The following ZNF404 variants were observed in gnomAD, a reference collection of about 807,000 sequenced individuals.
ZNF404 encodes zinc finger protein 404.
In ZNF404, 7 loss-of-function variants were observed where a neutral mutation model predicts 7.3. The observed-to-expected ratio is 0.95, with a 90% CI of 0.54 to 1.79. The LOEUF is 1.79. Ranked by LOEUF, ZNF404 falls within the 40% of genes most tolerant of loss-of-function variation. ZNF404 has a pLI of 0.00. For missense variants in ZNF404, 560 were observed against 661.5 expected (o/e 0.85, Z 1.68); for synonymous variants, 191 against 209.9 (o/e 0.91, Z 0.78).
chr19:43,880,441 C>T (rs1033075462), intron 1 of ZNF404, among the ~76,000 whole-genome samples: 2 of 152,084 alleles, frequency 1.3e-5, no homozygotes, highest in African/African-American at 4.8e-5. Flanking sequence ...ATACCTTCTA[C>T]GTACCTAAGC....
intron 1 of ZNF404, among the ~76,000 whole-genome samples, chr19:43,882,791 TAA>T (rs529329255): frequency 3.8e-4 from 46 of 120,666 alleles, no homozygotes; most frequent in Non-Finnish European, 3.6e-4. Context: ...ACCCCATCTC[TAA>T]AAAAAAAAAA....
chr19:43,877,134 A>G (rs10421518), intron 2 of ZNF404, among the ~76,000 whole-genome samples: 84,555 of 152,048 alleles, frequency 0.56, 24,063 homozygotes, highest in East Asian at 0.82. Flanking sequence ...ATGTACCATG[A>G]TTATGTAAGA....
Position 43,872,959 on chromosome 19 carries a change from C to T in ZNF404, c.1255G>A (p.Ala419Thr). ...TTAAGGTCTCCAACACGACTGAAGG[C>T]TTTCCCACATTGCTTACATTCATAT... is the stretch of plus-strand genomic sequence containing the variant. ...KPYECKQCGK[A>T]FSRVGDLKTH... The change falls in exon 3 of 3, where the codon GCC (alanine) becomes ACC (threonine). Residue 419 changes from alanine (A) to threonine (T), a missense_variant. Ala to Thr is a moderately conservative substitution (Grantham distance 58, BLOSUM62 0). Coordinates refer to ENST00000587539, the MANE Select transcript of ZNF404 (RefSeq NM_001033719.3). This position sits in a 1 kb window ranked among gnomAD's most constrained non-coding sequence, Gnocchi z 4.4. The T allele has an allele frequency of 1.9e-6, 3 of 1,606,176 alleles. No homozygotes were observed. The highest frequency in any genetic ancestry group is 2.6e-6 in the Non-Finnish European group (3 of 1,175,548).
In ZNF404 at chr19:43,880,151, C is replaced by T. The variant is rs1452935539; in HGVS notation, c.10-15G>A. 1.3e-6 allele frequency: 2 copies of T among 1,594,790 alleles called. No individual in the cohort carries two copies. Among genetic ancestry groups the T allele is most frequent in the Admixed American group, 1.8e-5 (1 of 55,716 alleles). On this transcript the variant is annotated splice_polypyrimidine_tract_variant and intron_variant, in intron 1 of 2. Coordinates refer to ENST00000587539, the MANE Select transcript of ZNF404 (RefSeq NM_001033719.3). ...GTCAATGGCACCTGAAATGACAAAC[C>T]TGTGTATTATTTGTAAAAGTAAAGA...
intron 2 of ZNF404, among the ~76,000 whole-genome samples, chr19:43,875,994 G>T (rs1003832202): frequency 2.6e-5 from 4 of 152,016 alleles, no homozygotes; most frequent in Admixed American, 2.0e-4. Context: ...AAAAATAAAA[G>T]AATTAAAATG....
At chr19:43,883,841 T>G in intron 1 of ZNF404, 115 bp downstream of exon 1, 2 of 1,101,226 alleles carry the variant, frequency 1.8e-6, no homozygotes, top group Non-Finnish European at 2.6e-6. Flanking sequence ...GAATGTGAAA[T>G]AGGTTCCAAG....
chr19:43,873,178 T>C lies in ZNF404; in HGVS notation c.1036A>G (p.Lys346Glu), dbSNP rs748156437. Residue 346 changes from lysine to glutamate, a missense_variant, in exon 3 of 3, where the codon AAG (lysine) becomes GAG (glutamate). Transcript: ENST00000587539. ...FGKGSSLLKH[K>E]RIHSSEKLYD... Reference sequence around the variant, plus strand: ...AGTTTCTCACTACTATGAATTCTCTTATGTTTAAGAAGGCTTGAGCCCTTA... The same window carrying C: ...AGTTTCTCACTACTATGAATTCTCTCATGTTTAAGAAGGCTTGAGCCCTTA... 8 of 1,612,606 alleles carry C rather than the reference T, an allele frequency of 5.0e-6. No homozygotes were observed. The highest frequency in any genetic ancestry group is 6.8e-6 in the Non-Finnish European group (8 of 1,178,790).
rs1971889142 is a variant in ZNF404, at chr19:43,880,808, T to A, written c.10-672A>T. 2.0e-5 allele frequency among the ~76,000 whole-genome samples: 3 copies of A among 151,784 alleles called. No homozygotes were observed. In the South Asian group the frequency reaches 6.3e-4, roughly 32 times the overall value. ...TGGATTCCACTGAGAACAAGAAAAG[T>A]ACAAACCAATATCCATCATGGACAC... On this transcript the variant is annotated intron_variant, in intron 1 of 2. Coordinates refer to ENST00000587539, the MANE Select transcript of ZNF404 (RefSeq NM_001033719.3).
chr19:43,873,711 A>C lies in ZNF404; in HGVS notation c.503T>G (p.Phe168Cys), dbSNP rs766304830. The change falls in exon 3 of 3, where the codon TTT becomes TGT. Residue 168 changes from phenylalanine (F) to cysteine (C), a missense_variant. Transcript: ENST00000587539. ...PYECNECGKA[F>C]VVFQHFIRHR... ...TCTAATAAAATGCTGGAAAACTACA[A>C]ATGCTTTTCCACATTCATTACATTC... 4 of 1,612,764 alleles carry C rather than the reference A, an allele frequency of 2.5e-6. No individual in the cohort carries two copies. Among genetic ancestry groups the C allele is most frequent in the Non-Finnish European group, 3.4e-6 (4 of 1,179,608 alleles).
At position 43,873,005 on chromosome 19, in the gene ZNF404, T is replaced by C. The variant is rs974331999; in HGVS notation, c.1209A>G (p.Ile403Met). Residue 403 changes from isoleucine to methionine, a missense_variant, in exon 3 of 3, where the codon ATA (isoleucine) becomes ATG (methionine). Transcript: ENST00000587539. The part of the protein sequence containing the change: ...KLHSYLIQHQ[I>M]IHTDLKPYEC... The stretch of plus-strand genomic sequence containing the variant: ...CATATGGCTTCAAATCAGTATGAAT[T>C]ATCTGATGTTGAATAAGATATGAAT... The C allele has an allele frequency of 8.7e-6, 14 of 1,602,800 alleles. 1 individual carries two copies. Among genetic ancestry groups the C allele is most frequent in the Non-Finnish European group, 1.0e-5 (12 of 1,173,612 alleles).
intron 1 of ZNF404, among the ~76,000 whole-genome samples, chr19:43,882,518 G>A (rs1599748167): frequency 6.6e-6 from 1 of 152,208 alleles, no homozygotes; most frequent in East Asian, 1.9e-4. Flanking sequence ...AGAAAAAGCT[G>A]ATAAACTGGA....
intron 1 of ZNF404, among the ~76,000 whole-genome samples, chr19:43,883,491 A>T (rs149278741): frequency 6.6e-6 from 1 of 152,232 alleles, no homozygotes; most frequent in Non-Finnish European, 1.5e-5. Context: ...TCCCATCTTC[A>T]CTCAAACCTA....
chr19:43,872,788 A>C lies in ZNF404; in HGVS notation c.1426T>G (p.Phe476Val), dbSNP rs1373089564. Reference sequence around the variant, plus strand: ...TGAGAAAGACCTGAGATAGAACGAAAGGCCTTCTTACATTCTTTACATACA... The same window carrying C: ...TGAGAAAGACCTGAGATAGAACGAACGGCCTTCTTACATTCTTTACATACA... The part of the protein sequence containing the change: ...PYVCKECKKA[F>V]RSISGLSQHK... Residue 476 changes from phenylalanine to valine, a missense_variant, in exon 3 of 3, where the codon TTT (phenylalanine) becomes GTT (valine). By Grantham distance (50) the Phe-to-Val change is conservative. Coordinates refer to ENST00000587539, the MANE Select transcript of ZNF404 (RefSeq NM_001033719.3). The surrounding 1 kb of genome is among the most constrained non-coding windows in gnomAD (Gnocchi z 4.4). 1 of 1,611,182 alleles carries C rather than the reference A, an allele frequency of 6.2e-7. No homozygotes were observed. The highest frequency in any genetic ancestry group is 8.5e-7 in the Non-Finnish European group (1 of 1,178,318).
chr19:43,874,468 G>A (rs1335025447), intron 2 of ZNF404, among the ~76,000 whole-genome samples: 1 of 151,044 alleles, frequency 6.6e-6, no homozygotes, highest in Non-Finnish European at 1.5e-5. Context: ...ATAATTGTCA[G>A]TGGTTTGGCT....
chr19:43,875,046 T>G (rs576185467), intron 2 of ZNF404, among the ~76,000 whole-genome samples: 19 of 152,258 alleles, frequency 1.2e-4, no homozygotes, highest in African/African-American at 4.6e-4. Context: ...AATCTCTCAC[T>G]CCTTATTAAT....
intron 1 of ZNF404, 113 bp downstream of exon 1, chr19:43,883,843 G>T: frequency 1.8e-6 from 2 of 1,127,546 alleles, no homozygotes; most frequent in East Asian, 2.5e-5. Context: ...ATGTGAAATA[G>T]GTTCCAAGAG....
intron 1 of ZNF404, among the ~76,000 whole-genome samples, 157 bp downstream of exon 1, chr19:43,883,799 G>A (rs1486948130): frequency 6.6e-6 from 1 of 152,168 alleles, no homozygotes; most frequent in African/African-American, 2.4e-5. Context: ...GAGGGCAAAT[G>A]AGGAGGACAT....
Position 43,873,701 on chromosome 19 carries a change from G to C in ZNF404, c.513C>G (p.Phe171Leu). Residue 171 changes from phenylalanine (F) to leucine (L), a missense_variant, in exon 3 of 3, where the codon TTC becomes TTG. Coordinates refer to ENST00000587539, the MANE Select transcript of ZNF404 (RefSeq NM_001033719.3). The part of the protein sequence containing the change: ...CNECGKAFVV[F>L]QHFIRHRKIH... ...TTTTTCGATGTCTAATAAAATGCTG[G>C]AAAACTACAAATGCTTTTCCACATT... The C allele has an allele frequency of 6.2e-7, 1 of 1,613,078 alleles. No homozygotes were observed. The highest frequency in any genetic ancestry group is 8.5e-7 in the Non-Finnish European group (1 of 1,179,574).
intron 2 of ZNF404, among the ~76,000 whole-genome samples, chr19:43,877,352 T>C (rs991671678): frequency 5.3e-4 from 81 of 152,152 alleles, no homozygotes; most frequent in Non-Finnish European, 1.6e-4. Context: ...AGCTCCCTGT[T>C]GGCCAGGCTT....
Sources: allele counts gnomAD v4.1 joint callset (sites outside exome capture counted in the v4.1 genomes callset), GRCh38; gene constraint gnomAD v4.1.1; non-coding constraint Gnocchi (gnomAD v3.1); transcripts MANE v1.5; gene names NCBI Gene and HGNC (gene_info 2026-07-23, HGNC 2026-07-21).